LINGO2: variants seen among roughly 807,000 people sequenced by gnomAD.
LINGO2 encodes the protein leucine-rich repeat and immunoglobulin-like domain-containing nogo receptor-interacting protein 2.
In LINGO2, 14 loss-of-function variants were observed where a neutral mutation model predicts 30.6. The observed-to-expected ratio is 0.46, with a 90% CI of 0.30 to 0.72. LINGO2 has a LOEUF of 0.72. Ranked by LOEUF, LINGO2 falls within the 30% of genes least tolerant of loss-of-function variation. LINGO2 has a pLI of 0.07. For missense variants in LINGO2, 729 were observed against 751.7 expected (o/e 0.97, Z 0.35); for synonymous variants, 317 against 288.5 (o/e 1.10, Z -1.00).
intron 1 of LINGO2, among the ~76,000 whole-genome samples, chr9:28,502,629 G>A (rs7857758): frequency 0.39 from 59,728 of 151,750 alleles, 12,128 homozygotes; most frequent in African/African-American, 0.48. Context: ...TAATCTCACA[G>A]CTCTTTGAAT....
intron 1 of LINGO2, among the ~76,000 whole-genome samples, chr9:28,501,298 G>A (rs1166277219): frequency 1.3e-5 from 2 of 152,132 alleles, no homozygotes; most frequent in Non-Finnish European, 2.9e-5. Context: ...TTATTTGAAT[G>A]TGGCTATAAA....
the LINGO2 span, among the ~76,000 whole-genome samples, chr9:29,167,778 A>G: frequency 6.6e-6 from 1 of 152,112 alleles, no homozygotes; most frequent in Admixed American, 6.5e-5. Context: ...GAAATCACCC[A>G]ATTCACATTT....
chr9:28,305,082 G>C (rs1419991387), intron 3 of LINGO2, among the ~76,000 whole-genome samples: 1 of 151,958 alleles, frequency 6.6e-6, no homozygotes, highest in Non-Finnish European at 1.5e-5. Flanking sequence ...AAAAGCAGTT[G>C]ATGTAACCAT....
the LINGO2 span, among the ~76,000 whole-genome samples, chr9:29,179,158 AATATATATATAT>A: frequency 0.02 from 2,019 of 101,582 alleles, 36 homozygotes; most frequent in East Asian, 0.045. Context: ...TCTTACTGTA[AATATATATATAT>A]ATATATATAT....
the LINGO2 span, among the ~76,000 whole-genome samples, chr9:29,161,220 A>G: frequency 0.16 from 24,106 of 152,252 alleles, 1,904 homozygotes; most frequent in South Asian, 0.24. Context: ...GCAAACAGCC[A>G]TGATAAAGGT....
intron 1 of LINGO2, among the ~76,000 whole-genome samples, chr9:28,569,233 T>C (rs1399177323): frequency 6.6e-6 from 1 of 151,906 alleles, no homozygotes; most frequent in Non-Finnish European, 1.5e-5. Context: ...GTATGGAGGT[T>C]CCTGAAAAAA....
intron 1 of LINGO2, among the ~76,000 whole-genome samples, chr9:28,515,174 G>A (rs1820568815): frequency 6.6e-6 from 1 of 150,722 alleles, no homozygotes. Context: ...GAGTAGTTTT[G>A]ACTTTCAAGT....
the LINGO2 span, among the ~76,000 whole-genome samples, chr9:28,701,410 T>A: frequency 1.3e-5 from 2 of 152,116 alleles, no homozygotes; most frequent in South Asian, 2.1e-4. Flanking sequence ...ATGAAGAGGC[T>A]ATTTTTTTCT....
chr9:28,910,578 A>G, the LINGO2 span, among the ~76,000 whole-genome samples: 3 of 151,978 alleles, frequency 2.0e-5, no homozygotes, highest in African/African-American at 7.2e-5. Flanking sequence ...TTCTGGTGAT[A>G]GAGTTCTTAT....
the LINGO2 span, among the ~76,000 whole-genome samples, chr9:28,948,526 C>T: frequency 6.6e-6 from 1 of 152,020 alleles, no homozygotes. Flanking sequence ...CGCTCTCACA[C>T]ACAGATACAT....
intron 1 of LINGO2, among the ~76,000 whole-genome samples, chr9:28,506,483 C>T (rs377743639): frequency 0.16 from 3,587 of 22,058 alleles, 313 homozygotes; most frequent in East Asian, 0.33. Context: ...CACACACATA[C>T]ACATACACAC....
the LINGO2 span, among the ~76,000 whole-genome samples, chr9:29,178,107 G>A: frequency 2.6e-5 from 4 of 151,058 alleles, no homozygotes; most frequent in Non-Finnish European, 4.4e-5. Flanking sequence ...CCAGACTAGA[G>A]TGCAGTGGTG....
At chr9:29,132,157 A>G in the LINGO2 span, among the ~76,000 whole-genome samples, 1 of 151,902 alleles carries the variant, frequency 6.6e-6, no homozygotes, top group Non-Finnish European at 1.5e-5. Context: ...GTTACAGAAG[A>G]AAGACCATCT....
chr9:28,796,219 C>A, the LINGO2 span, among the ~76,000 whole-genome samples: 1 of 152,040 alleles, frequency 6.6e-6, no homozygotes, highest in Non-Finnish European at 1.5e-5. Context: ...GAGCTTCCAA[C>A]AAAATATTCA....
chr9:28,002,799 T>G (rs556130505), intron 5 of LINGO2, among the ~76,000 whole-genome samples: 1 of 152,112 alleles, frequency 6.6e-6, no homozygotes, highest in African/African-American at 2.4e-5. Context: ...CGTCAGTGGG[T>G]TTTCTCAGGC....
chr9:28,459,581 A>G (rs910468866), intron 2 of LINGO2, among the ~76,000 whole-genome samples: 6 of 152,070 alleles, frequency 3.9e-5, no homozygotes, highest in African/African-American at 1.4e-4. Flanking sequence ...TAGTATGAAT[A>G]TTAATATGGA....
chr9:29,164,029 T>C, the LINGO2 span, among the ~76,000 whole-genome samples: 2 of 152,074 alleles, frequency 1.3e-5, no homozygotes, highest in East Asian at 3.9e-4. Context: ...TTACACTTTG[T>C]TTTCTTAGTA....
At chr9:28,796,990 T>C in the LINGO2 span, among the ~76,000 whole-genome samples, 1 of 151,778 alleles carries the variant, frequency 6.6e-6, no homozygotes, top group Non-Finnish European at 1.5e-5. Context: ...TATGTATAAA[T>C]TAATTTGCTT....
the LINGO2 span, among the ~76,000 whole-genome samples, chr9:28,785,837 G>A: frequency 2.0e-5 from 3 of 152,292 alleles, no homozygotes; most frequent in South Asian, 6.2e-4. Context: ...AGGAACAAAA[G>A]GGACTTATAT....
Sources: gnomAD v4.1 joint callset for allele counts (sites outside exome capture counted in the v4.1 genomes callset) on GRCh38, gnomAD v4.1.1 for gene constraint, MANE v1.5 for transcripts, NCBI Gene and HGNC (gene_info 2026-07-23, HGNC 2026-07-21) for gene names.